The following SND1 variants were observed in gnomAD, a reference collection of about 807,000 sequenced individuals.
SND1 encodes the protein staphylococcal nuclease and tudor domain containing 1.
SND1 carries 38 observed loss-of-function variants against 121.7 expected under a neutral mutation model. The observed-to-expected ratio is 0.31, with a 90% confidence interval of 0.24 to 0.41. The LOEUF (loss-of-function observed/expected upper bound fraction) is 0.41. Among genes scored for constraint, SND1 ranks in the 10% least tolerant of loss-of-function variants. The pLI, the probability that SND1 is intolerant of heterozygous loss-of-function variation, is 1.00. For synonymous variants in SND1, 401 were observed against 447.4 expected (o/e 0.90, Z 1.31); for missense variants, 868 against 1,184.6 (o/e 0.73, Z 3.92).
intron 12 of SND1, among the ~76,000 whole-genome samples, chr7:127,871,453 G>A (rs1367722864): frequency 6.6e-6 from 1 of 152,154 alleles, no homozygotes; most frequent in Non-Finnish European, 1.5e-5. Context: ...TGACTACGCA[G>A]TCTCTAGGCC....
intron 2 of SND1, among the ~76,000 whole-genome samples, chr7:127,689,997 C>G (rs1795885225): frequency 7.1e-6 from 1 of 141,248 alleles, no homozygotes; most frequent in Admixed American, 7.9e-5. Flanking sequence ...TCCTTAAAAC[C>G]TCTCTTATCC....
chr7:127,836,407 A>G (rs1222519950), intron 11 of SND1, among the ~76,000 whole-genome samples: 1 of 152,170 alleles, frequency 6.6e-6, no homozygotes, highest in Non-Finnish European at 1.5e-5. Flanking sequence ...CAGCCTAAGC[A>G]CCTAATTACA....
intron 10 of SND1, among the ~76,000 whole-genome samples, chr7:127,735,671 G>C (rs1796764164): frequency 6.6e-6 from 1 of 152,150 alleles, no homozygotes; most frequent in Admixed American, 6.5e-5. Flanking sequence ...CTGTTGCCCA[G>C]GCTGGAGTGC....
intron 15 of SND1, among the ~76,000 whole-genome samples, chr7:127,988,789 G>C (rs1802455288): frequency 6.6e-6 from 1 of 152,104 alleles, no homozygotes; most frequent in African/African-American, 2.4e-5. Flanking sequence ...CCCAGTTCTA[G>C]TCCCCAGTTC....
At chr7:127,824,858 A>G (rs1798614103) in intron 11 of SND1, among the ~76,000 whole-genome samples, 2 of 152,148 alleles carry the variant, frequency 1.3e-5, no homozygotes, top group Non-Finnish European at 2.9e-5. Flanking sequence ...CTTCTTTGTG[A>G]CTAACCCCAT....
intron 10 of SND1, among the ~76,000 whole-genome samples, chr7:127,722,307 C>CT (rs34026000): frequency 0.33 from 46,410 of 139,314 alleles, 8,315 homozygotes; most frequent in Admixed American, 0.42. Flanking sequence ...CTACTGCCTG[C>CT]TTTTTTTTTT....
intron 16 of SND1, among the ~76,000 whole-genome samples, chr7:128,040,457 AAAAAAAAAAGACATGGTTTGACACCT>A (rs1301352641): frequency 3.3e-5 from 5 of 149,748 alleles, no homozygotes; most frequent in South Asian, 2.1e-4. Flanking sequence ...AAAAAAAAAA[AAAAAAAAAAGACATGGTTTGACACCT>A]AAAAAAAAAA....
intron 11 of SND1, among the ~76,000 whole-genome samples, chr7:127,822,265 A>G (rs1235181992): frequency 1.3e-5 from 2 of 152,214 alleles, no homozygotes; most frequent in African/African-American, 4.8e-5. Context: ...AGCATCATAA[A>G]TAAGTTTAAA....
intron 16 of SND1, among the ~76,000 whole-genome samples, chr7:128,047,811 G>C (rs1792975028): frequency 6.6e-6 from 1 of 152,030 alleles, no homozygotes; most frequent in Non-Finnish European, 1.5e-5. Flanking sequence ...ACCTACAAAG[G>C]AAATGAGTTT....
At chr7:127,746,366 G>C (rs192204305) in intron 10 of SND1, among the ~76,000 whole-genome samples, 1 of 152,084 alleles carries the variant, frequency 6.6e-6, no homozygotes, top group Non-Finnish European at 1.5e-5. Flanking sequence ...TTTCTTGCCC[G>C]CTACACCAGC....
chr7:128,029,768 G>A lies in SND1; in HGVS notation c.1779+38712G>A, dbSNP rs144495487. On this transcript the variant is annotated intron_variant, in intron 16 of 23. Coordinates refer to ENST00000354725, the MANE Select transcript of SND1 (RefSeq NM_014390.4). The surrounding 1 kb of genome is among the most constrained non-coding windows in gnomAD (Gnocchi z 4.2). ...TGTGGTGTAGATGCAACTCCACCAG[G>A]TACCTCAGCGGGGTAAAGAGGTCAT... 8.7e-6 allele frequency: 14 copies of A among 1,613,892 alleles called. No homozygotes were observed. The highest frequency in any genetic ancestry group is 1.3e-5 in the African/African-American group (1 of 74,938).
chr7:128,034,503 G>T (rs1163420665), intron 16 of SND1, among the ~76,000 whole-genome samples: 1 of 152,146 alleles, frequency 6.6e-6, no homozygotes, highest in Non-Finnish European at 1.5e-5. Context: ...AGGCAACAGG[G>T]TCTCTGCCTG....
At chr7:128,072,704 C>G (rs1793433239) in intron 16 of SND1, among the ~76,000 whole-genome samples, 1 of 152,194 alleles carries the variant, frequency 6.6e-6, no homozygotes, top group African/African-American at 2.4e-5. Context: ...GCAGGCATGA[C>G]AGTCTGTTCC....
chr7:128,066,816 G>T (rs1220118175), intron 16 of SND1, among the ~76,000 whole-genome samples: 4 of 152,134 alleles, frequency 2.6e-5, no homozygotes, highest in African/African-American at 9.7e-5. Context: ...CCAGCCTTGG[G>T]CAAGGCTACC....
rs56324746 is a variant in SND1 at position 127,872,628 on chromosome 7, G to GCACACACACA, written c.1344-15242_1344-15233dup. Among the ~76,000 whole-genome samples, 20 of 139,964 alleles carry GCACACACACA rather than the reference G, an allele frequency of 1.4e-4. 1 individual carries two copies. In the East Asian group the frequency reaches 2.1e-3, roughly 15 times the overall value. The allele number at this position is 139,964 out of a possible 152,430, so 91.8% of individuals were successfully genotyped here. ...ACATTAGACCTTTTTTAACACACAC[G>GCACACACACA]CACACACACACACACACACACACAC... On this transcript the variant is annotated intron_variant, in intron 12 of 23. Coordinates refer to ENST00000354725, the MANE Select transcript of SND1 (RefSeq NM_014390.4).
Position 128,089,700 on chromosome 7 carries a change from A to T in SND1, c.2622+8A>T. On this transcript the variant is annotated splice_region_variant and intron_variant, in intron 22 of 23. Coordinates refer to ENST00000354725, the MANE Select transcript of SND1 (RefSeq NM_014390.4). ...AAACAGTTCCAGAAAGTGGTATGTGATGTGGAGAGGCGGCCCCAGCATTGC... is the reference window on the plus strand; with the variant it reads ...AAACAGTTCCAGAAAGTGGTATGTGTTGTGGAGAGGCGGCCCCAGCATTGC... 1 of 1,613,502 alleles carries T rather than the reference A, an allele frequency of 6.2e-7. No homozygotes were observed. Among genetic ancestry groups the T allele is most frequent in the Middle Eastern group, 1.6e-4 (1 of 6,062 alleles).
chr7:127,840,989 T>C (rs1798954992), intron 11 of SND1, among the ~76,000 whole-genome samples: 1 of 152,230 alleles, frequency 6.6e-6, no homozygotes, highest in Admixed American at 6.5e-5. Flanking sequence ...AATTTTTTTG[T>C]CTTCCCACTG....
chr7:127,807,601 T>G, intron 11 of SND1, 28 bp downstream of exon 11: 2 of 1,567,548 alleles, frequency 1.3e-6, no homozygotes, highest in Non-Finnish European at 1.8e-6. Context: ...GAAGCATATT[T>G]GCAAGTGGTT....
At chr7:127,918,824 G>C (rs1047159367) in intron 14 of SND1, among the ~76,000 whole-genome samples, 1 of 152,052 alleles carries the variant, frequency 6.6e-6, no homozygotes, top group African/African-American at 2.4e-5. Context: ...TAGAAACCTA[G>C]GCCAAAGAAT....
Sources: gnomAD v4.1 joint callset for allele counts (sites outside exome capture counted in the v4.1 genomes callset) on GRCh38, gnomAD v4.1.1 for gene constraint, Gnocchi (gnomAD v3.1) non-coding constraint, MANE v1.5 for transcripts, NCBI Gene and HGNC (gene_info 2026-07-23, HGNC 2026-07-21) for gene names.